The following ADGRL3 variants were observed in gnomAD, a reference collection of about 807,000 sequenced individuals.
The protein encoded by ADGRL3 is calcium-independent alpha-latrotoxin receptor 3.
ADGRL3 carries 62 observed loss-of-function variants against 153.5 expected under a neutral mutation model. The observed-to-expected ratio is 0.40, with a 90% CI of 0.33 to 0.50. ADGRL3 has a LOEUF of 0.50. Among genes scored for constraint, ADGRL3 ranks in the 20% least tolerant of loss-of-function variants. The pLI, the probability that ADGRL3 is intolerant of heterozygous loss-of-function variation, is 0.47. For synonymous variants in ADGRL3, 710 were observed against 672.5 expected (o/e 1.06, Z -0.86); for missense variants, 1,641 against 1,859.4 (o/e 0.88, Z 2.16).
chr4:61,721,836 T>C (rs2096248623), intron 6 of ADGRL3, among the ~76,000 whole-genome samples: 1 of 152,176 alleles, frequency 6.6e-6, no homozygotes, highest in African/African-American at 2.4e-5. Flanking sequence ...AGAAGCTTCA[T>C]GTAGGTTTTA....
chr4:61,500,029 C>CAGAGAGAGAGAGAG (rs10673228), intron 3 of ADGRL3, among the ~76,000 whole-genome samples: 2,478 of 140,468 alleles, frequency 0.018, 40 homozygotes, highest in Non-Finnish European at 0.023. Flanking sequence ...CACACAGAAA[C>CAGAGAGAGAGAGAG]AGAGAGAGAG....
intron 9 of ADGRL3, among the ~76,000 whole-genome samples, chr4:61,842,873 G>A (rs1453514715): frequency 6.6e-6 from 1 of 152,172 alleles, no homozygotes; most frequent in African/African-American, 2.4e-5. Flanking sequence ...CTACACTGAA[G>A]ATGATAGTGT....
chr4:61,237,717 G>A (rs1271521255), intron 1 of ADGRL3, among the ~76,000 whole-genome samples: 1 of 152,114 alleles, frequency 6.6e-6, no homozygotes, highest in African/African-American at 2.4e-5. Flanking sequence ...ATGAAGTTTT[G>A]CATTAGCTTT....
At chr4:61,819,814 AAT>A (rs1165532527) in intron 9 of ADGRL3, among the ~76,000 whole-genome samples, 1 of 152,096 alleles carries the variant, frequency 6.6e-6, no homozygotes, top group African/African-American at 2.4e-5. Context: ...TACTTTTTAT[AAT>A]AGTGATTGTG....
intron 11 of ADGRL3, chr4:61,906,466 T>C (rs1234497041): frequency 6.6e-6 from 1 of 152,202 alleles, no homozygotes; most frequent in African/African-American, 2.4e-5. Context: ...GAGTTTTATA[T>C]AGTCATAATC....
intron 5 of ADGRL3, among the ~76,000 whole-genome samples, chr4:61,634,025 G>C (rs1256664178): frequency 3.3e-5 from 5 of 151,742 alleles, no homozygotes; most frequent in Admixed American, 3.3e-4. Context: ...CTTATTCTTG[G>C]AGATGTAACT....
chr4:61,695,209 A>G (rs1342041300), intron 6 of ADGRL3, among the ~76,000 whole-genome samples: 3 of 152,204 alleles, frequency 2.0e-5, no homozygotes, highest in Non-Finnish European at 4.4e-5. Flanking sequence ...CTTTGTTCAC[A>G]TCAGAGAAAT....
At chr4:62,011,063 T>C (rs1359602266) in intron 21 of ADGRL3, among the ~76,000 whole-genome samples, 5 of 152,132 alleles carry the variant, frequency 3.3e-5, no homozygotes, top group Non-Finnish European at 7.4e-5. Context: ...TATTTTAGCG[T>C]AGTTTCAGCT....
chr4:61,715,939 C>A (rs1274658338), intron 6 of ADGRL3, among the ~76,000 whole-genome samples: 1 of 141,540 alleles, frequency 7.1e-6, no homozygotes. Flanking sequence ...GTTTGTTTGC[C>A]CTTAAAGTAA....
chr4:61,578,125 T>C (rs1356679483), intron 4 of ADGRL3, among the ~76,000 whole-genome samples: 2 of 152,102 alleles, frequency 1.3e-5, no homozygotes, highest in East Asian at 3.9e-4. Context: ...ATTGGTGTGA[T>C]ATTCTTGTAT....
rs570676964 is a variant in ADGRL3 at position 61,274,892 on chromosome 4, C to T, written c.-240+73127C>T. On this transcript the variant is annotated intron_variant, in intron 1 of 26. Coordinates refer to ENST00000683033, the MANE Select transcript of ADGRL3 (RefSeq NM_001387552.1). Reference sequence around the variant, plus strand: ...CTGCAGTGATCATGCCACTGCACTGCACTCCAGCCTGGGTGACAGAACAAG... The same window carrying T: ...CTGCAGTGATCATGCCACTGCACTGTACTCCAGCCTGGGTGACAGAACAAG... Among the ~76,000 whole-genome samples, 47 of 152,250 alleles carry T rather than the reference C, an allele frequency of 3.1e-4. No individual in the cohort carries two copies. In the South Asian group the frequency reaches 9.1e-3, roughly 30 times the overall value.
chr4:61,378,414 TG>T (rs1300579683), intron 1 of ADGRL3, among the ~76,000 whole-genome samples: 3 of 151,974 alleles, frequency 2.0e-5, no homozygotes, highest in Non-Finnish European at 4.4e-5. Flanking sequence ...GTAGAAAATA[TG>T]GGTGCATTTA....
Position 61,609,722 on chromosome 4 carries a change from C to T in ADGRL3, c.473+22282C>T, listed in dbSNP as rs149748558. 1.7e-3 allele frequency among the ~76,000 whole-genome samples: 255 copies of T among 152,128 alleles called. 3 individuals carry two copies. Among genetic ancestry groups the T allele is most frequent in the African/African-American group, 5.4e-3 (226 of 41,536 alleles). ...TCTTAATCCCTCCTTCCCTCGGGCA[C>T]GCCCTGTGTTATTTTCAAATGTGTA... is the stretch of plus-strand genomic sequence containing the variant. On this transcript the variant is annotated intron_variant, in intron 5 of 26. Coordinates refer to ENST00000683033, the MANE Select transcript of ADGRL3 (RefSeq NM_001387552.1).
At chr4:61,544,913 T>C (rs569845850) in intron 4 of ADGRL3, among the ~76,000 whole-genome samples, 2 of 152,302 alleles carry the variant, frequency 1.3e-5, no homozygotes, top group South Asian at 4.1e-4. Context: ...TTAACAAGTA[T>C]TTTTTTCTTT....
intron 15 of ADGRL3, among the ~76,000 whole-genome samples, chr4:61,941,354 G>A (rs1326433561): frequency 3.0e-5 from 3 of 100,312 alleles, no homozygotes; most frequent in African/African-American, 1.2e-4. Context: ...ATAGTTTGAA[G>A]TCAGGTAGTG....
intron 2 of ADGRL3, chr4:61,420,395 G>A (rs903700229): frequency 5.0e-5 from 7 of 141,348 alleles, no homozygotes; most frequent in Admixed American, 2.9e-4. Context: ...TTGCCCCAAA[G>A]GAAAGCTTTT....
chr4:61,869,868 G>A (rs6822962), intron 9 of ADGRL3, among the ~76,000 whole-genome samples: 2,732 of 146,558 alleles, frequency 0.019, 90 homozygotes, highest in African/African-American at 0.063. Context: ...AATCCAGGAG[G>A]CGGAGGTTGT....
chr4:61,367,184 G>C (rs187054767), intron 1 of ADGRL3, among the ~76,000 whole-genome samples: 9 of 151,924 alleles, frequency 5.9e-5, no homozygotes, highest in Admixed American at 4.6e-4. Context: ...TAGCAAATTT[G>C]GGATGTACAA....
intron 2 of ADGRL3, among the ~76,000 whole-genome samples, chr4:61,401,936 A>C (rs554503178): frequency 6.6e-6 from 1 of 152,152 alleles, no homozygotes. Context: ...GATAGTAAAC[A>C]CTTTAGGTGT....
Sources: gnomAD v4.1 joint callset for allele counts (sites outside exome capture counted in the v4.1 genomes callset) on GRCh38, gnomAD v4.1.1 for gene constraint, MANE v1.5 for transcripts, NCBI Gene and HGNC (gene_info 2026-07-23, HGNC 2026-07-21) for gene names.